Variants in TENM2 observed in about 807,000 individuals in gnomAD.
TENM2 encodes the protein teneurin-2.
TENM2 carries 52 observed loss-of-function variants against 245.2 expected under a neutral mutation model. That is an observed-to-expected ratio of 0.21 (90% CI 0.17 to 0.27). The LOEUF is 0.27. Ranked by LOEUF, TENM2 falls within the 10% of genes least tolerant of loss-of-function variation. TENM2 has a pLI of 1.00. For missense variants in TENM2, 3,046 were observed against 3,666.8 expected, an observed-to-expected ratio of 0.83 and a Z score of 4.37; for synonymous variants, 1,363 against 1,438.9, an observed-to-expected ratio of 0.95 and a Z score of 1.19.
intron 2 of TENM2, among the ~76,000 whole-genome samples, chr5:167,504,313 T>G (rs1433837839): frequency 1.3e-5 from 2 of 152,206 alleles, no homozygotes; most frequent in African/African-American, 4.8e-5. Context: ...AAATTAATCT[T>G]ATTTAAATTG....
At chr5:167,928,895 CAA>C (rs767167658) in intron 3 of TENM2, among the ~76,000 whole-genome samples, 665 of 21,522 alleles carry the variant, frequency 0.031, 1 homozygote, top group Non-Finnish European at 0.049. Context: ...GACCCTGGCT[CAA>C]AAAAAAAAAA....
At chr5:167,092,216 AT>A in the TENM2 span, among the ~76,000 whole-genome samples, 1 of 152,164 alleles carries the variant, frequency 6.6e-6, no homozygotes, top group Non-Finnish European at 1.5e-5. Flanking sequence ...TGAAAACTAT[AT>A]AAAATTAAAA....
chr5:168,212,269 A>G (rs1052823720), intron 20 of TENM2, among the ~76,000 whole-genome samples: 1 of 152,184 alleles, frequency 6.6e-6, no homozygotes, highest in Non-Finnish European at 1.5e-5. Context: ...CATGGAGTAA[A>G]ATCACTTTTG....
chr5:167,818,858 C>T (rs1034286360), intron 2 of TENM2, among the ~76,000 whole-genome samples: 11 of 152,100 alleles, frequency 7.2e-5, no homozygotes, highest in Non-Finnish European at 4.4e-5. Flanking sequence ...TGAGAGGAAC[C>T]GCTTCAAGCT....
the TENM2 span, among the ~76,000 whole-genome samples, chr5:167,068,787 A>C: frequency 6.6e-6 from 1 of 152,230 alleles, no homozygotes; most frequent in Admixed American, 6.5e-5. Context: ...ACCAAGTAAT[A>C]ATTTTCTGTG....
intron 2 of TENM2, among the ~76,000 whole-genome samples, chr5:167,668,064 A>G (rs1489518203): frequency 6.6e-6 from 1 of 152,160 alleles, no homozygotes; most frequent in African/African-American, 2.4e-5. Flanking sequence ...TCTCATAACA[A>G]AGTCCCCAAC....
At chr5:166,987,877 G>T in the TENM2 span, among the ~76,000 whole-genome samples, 2 of 152,118 alleles carry the variant, frequency 1.3e-5, no homozygotes, top group Non-Finnish European at 2.9e-5. Context: ...TTCCCCAAAT[G>T]CTCCATGGAT....
chr5:167,011,060 C>T, the TENM2 span, among the ~76,000 whole-genome samples: 4 of 152,140 alleles, frequency 2.6e-5, no homozygotes, highest in Non-Finnish European at 4.4e-5. Flanking sequence ...ACAAAGTGAA[C>T]ATCCAAAAAT....
At chr5:168,099,930 G>C in intron 9 of TENM2, among the ~76,000 whole-genome samples, 1 of 152,212 alleles carries the variant, frequency 6.6e-6, no homozygotes, top group South Asian at 2.1e-4. Context: ...TCTCCTTGAA[G>C]AGGTCCTTCA....
At chr5:168,118,974 G>C (rs1273148019) in intron 10 of TENM2, among the ~76,000 whole-genome samples, 1 of 152,122 alleles carries the variant, frequency 6.6e-6, no homozygotes, top group East Asian at 1.9e-4. Context: ...AAAGCTGTTT[G>C]TTGTTATTGT....
At chr5:166,995,800 G>A in the TENM2 span, among the ~76,000 whole-genome samples, 3 of 115,720 alleles carry the variant, frequency 2.6e-5, no homozygotes, top group East Asian at 5.2e-4. Context: ...GGGCGACAGG[G>A]CGAGACTCCA....
chr5:167,410,796 A>G (rs1762869568), intron 2 of TENM2, among the ~76,000 whole-genome samples: 1 of 152,066 alleles, frequency 6.6e-6, no homozygotes, highest in South Asian at 2.1e-4. Flanking sequence ...TCCTAAAAGA[A>G]GAGAGTTCAT....
chr5:167,222,987 G>A, the TENM2 span, among the ~76,000 whole-genome samples: 2 of 152,180 alleles, frequency 1.3e-5, no homozygotes, highest in South Asian at 4.1e-4. Flanking sequence ...GAAAAATAAG[G>A]CTAGATATTA....
chr5:167,459,911 A>AC (rs1766177915), intron 2 of TENM2, among the ~76,000 whole-genome samples: 6 of 149,576 alleles, frequency 4.0e-5, no homozygotes, highest in Non-Finnish European at 8.9e-5. Flanking sequence ...TATAAAGATA[A>AC]ACACACACAC....
chr5:167,122,145 C>A, the TENM2 span, among the ~76,000 whole-genome samples: 6 of 152,106 alleles, frequency 3.9e-5, no homozygotes, highest in Admixed American at 1.3e-4. Flanking sequence ...CAAATAAATG[C>A]ACAGTTGAAA....
the TENM2 span, among the ~76,000 whole-genome samples, chr5:167,115,097 C>T: frequency 2.6e-5 from 4 of 152,118 alleles, no homozygotes; most frequent in East Asian, 1.9e-4. Context: ...CAAGATCATA[C>T]GTTTAAAAAT....
chr5:167,984,491 A>G (rs1783083529), intron 4 of TENM2, among the ~76,000 whole-genome samples: 1 of 152,164 alleles, frequency 6.6e-6, no homozygotes, highest in African/African-American at 2.4e-5. Context: ...CCCCGTCTCT[A>G]CTAAAAATAC....
At chr5:168,263,803 C>T (rs888871009), downstream of TENM2, 5 of 152,606 alleles carry the variant, frequency 3.3e-5, no homozygotes, top group African/African-American at 1.2e-4. Context: ...CACTTCTGAT[C>T]ACCCTGTACA....
chr5:167,512,244 G>C (rs1770014174), intron 2 of TENM2, among the ~76,000 whole-genome samples: 1 of 152,184 alleles, frequency 6.6e-6, no homozygotes, highest in Non-Finnish European at 1.5e-5. Context: ...ATGTTTTGGT[G>C]CTTGGATGTA....
Sources: gnomAD v4.1 joint callset for allele counts (sites outside exome capture counted in the v4.1 genomes callset) on GRCh38, gnomAD v4.1.1 for gene constraint, MANE v1.5 for transcripts, NCBI Gene and HGNC (gene_info 2026-07-23, HGNC 2026-07-21) for gene names.